The following ZFP64 variants were observed in gnomAD, a reference collection of about 807,000 sequenced individuals.
ZFP64 encodes zinc finger protein 64.
Under a neutral mutation model 51.6 loss-of-function variants are expected in ZFP64, and 14 were observed. The ratio of observed to expected loss-of-function variants is 0.27; its 90% CI spans 0.18 to 0.42. ZFP64 has a LOEUF of 0.42. Among genes scored for constraint, ZFP64 ranks in the 10% least tolerant of loss-of-function variants. The pLI, the probability that ZFP64 is intolerant of heterozygous loss-of-function variation, is 1.00. For missense variants in ZFP64, 754 were observed against 906.8 expected (o/e 0.83, Z 2.16); for synonymous variants, 375 against 361.4 (o/e 1.04, Z -0.43).
At chr20:52,117,744 G>A in intron 5 of ZFP64, 3 of 445,114 alleles carry the variant, frequency 6.7e-6, no homozygotes, top group African/African-American at 2.0e-5. Flanking sequence ...CATTCAACTT[G>A]CCTAGAAATG....
intron 2 of ZFP64, among the ~76,000 whole-genome samples, chr20:52,170,499 G>A (rs545564432): frequency 1.3e-5 from 2 of 152,272 alleles, no homozygotes; most frequent in African/African-American, 4.8e-5. Context: ...AGGCACCCAG[G>A]TGCAGGGATC....
At chr20:52,149,552 G>A (rs188069284), downstream of ZFP64, among the ~76,000 whole-genome samples, 5 of 152,262 alleles carry the variant, frequency 3.3e-5, no homozygotes, top group African/African-American at 9.6e-5. Context: ...TTGAGTCTAC[G>A]TATATTGGTA....
At chr20:52,189,640 A>G (rs1401652441) in intron 1 of ZFP64, among the ~76,000 whole-genome samples, 1 of 151,622 alleles carries the variant, frequency 6.6e-6, no homozygotes, top group East Asian at 2.0e-4. Context: ...ACGCCAGGCT[A>G]ATTTTGAATT....
chr20:52,095,512 G>A (rs2078978987), intron 7 of ZFP64, among the ~76,000 whole-genome samples: 1 of 152,178 alleles, frequency 6.6e-6, no homozygotes, highest in Non-Finnish European at 1.5e-5. Context: ...CTACTTCTGG[G>A]TCGTGCCCCA....
At position 52,112,291 on chromosome 20, in the gene ZFP64, T is replaced by TCA. The variant is rs1215168347; in HGVS notation, c.764-13705_764-13704insTG. ...TAGTACATAGATACTACTCTAAGTA[T>TCA]TAACAGTTATTTATGATAATGGAGT... On this transcript the variant is annotated intron_variant, in intron 5 of 8. Transcript: ENST00000361387. 2.6e-5 allele frequency among the ~76,000 whole-genome samples: 4 copies of TCA among 152,274 alleles called. No individual in the cohort carries two copies. In the South Asian group the frequency reaches 8.3e-4, roughly 32 times the overall value.
At chr20:52,123,423 T>C (rs1372104421) in intron 5 of ZFP64, among the ~76,000 whole-genome samples, 1 of 152,202 alleles carries the variant, frequency 6.6e-6, no homozygotes, top group Non-Finnish European at 1.5e-5. Context: ...AAAAACTTCA[T>C]TGTTGTCTTA....
intron 5 of ZFP64, among the ~76,000 whole-genome samples, chr20:52,099,603 A>T (rs1186437736): frequency 2.0e-5 from 3 of 152,218 alleles, no homozygotes; most frequent in Non-Finnish European, 2.9e-5. Flanking sequence ...GGGGTTTTAT[A>T]CTTTGGTGTG....
rs1299841706 is a variant in ZFP64, at chr20:52,174,478, A to G, written c.287-8453T>C. ...AGCCTGGGCAACAGAGTGAGGCTCC[A>G]TCTCAAAAAAAAAAAAAAAAAAAAA... is the stretch of plus-strand genomic sequence containing the variant. On this transcript the variant is annotated intron_variant, in intron 2 of 5. Coordinates refer to ENST00000216923, the MANE Select transcript of ZFP64 (RefSeq NM_018197.3). Among the ~76,000 whole-genome samples, 17 of 131,514 alleles carry G rather than the reference A, an allele frequency of 1.3e-4. 1 individual carries two copies. Among genetic ancestry groups the G allele is most frequent in the Admixed American group, 1.1e-3 (13 of 11,982 alleles). The allele number at this position is 131,514 out of a possible 152,430, so 86.3% of individuals were successfully genotyped here.
In ZFP64 at chr20:52,160,636, A is replaced by C. The variant is rs554864025; in HGVS notation, c.512-262T>G. On this transcript the variant is annotated intron_variant, in intron 4 of 5. Transcript: ENST00000216923. The surrounding 1 kb of genome is among the most constrained non-coding windows in gnomAD (Gnocchi z 4.2). ...AAATTTTTTATAAATTAAAAATAGA[A>C]GGCAATTAAAATTTTAAAGTATAGG... 6.6e-6 allele frequency among the ~76,000 whole-genome samples: 1 copy of C among 152,324 alleles called. No homozygotes were observed. The highest frequency in any genetic ancestry group is 2.1e-4 in the South Asian group (1 of 4,828).
chr20:52,146,209 A>T (rs1022288537), intron 5 of ZFP64, among the ~76,000 whole-genome samples: 1 of 152,166 alleles, frequency 6.6e-6, no homozygotes, highest in African/African-American at 2.4e-5. Flanking sequence ...ATACCATTTG[A>T]CCCAGCCATC....
rs1192977747 is a variant in ZFP64, at chr20:52,085,298, A to T, written c.1229-32T>A. The T allele has an allele frequency of 5.7e-6, 9 of 1,565,718 alleles. No homozygotes were observed. Among genetic ancestry groups the T allele is most frequent in the Non-Finnish European group, 7.8e-6 (9 of 1,153,188 alleles). The stretch of plus-strand genomic sequence containing the variant: ...ATGGAAGGTGTGTTTCCATTAGAAC[A>T]GGCAGGCAAAACAGACCCTCCCACC... On this transcript the variant is annotated intron_variant, in intron 8 of 8. Transcript: ENST00000361387. This position sits in a 1 kb window ranked among gnomAD's most constrained non-coding sequence, Gnocchi z 4.3.
At chr20:52,112,857 T>C (rs577186891) in intron 5 of ZFP64, among the ~76,000 whole-genome samples, 4 of 152,084 alleles carry the variant, frequency 2.6e-5, no homozygotes, top group East Asian at 1.9e-4. Flanking sequence ...GCTCAAGTGA[T>C]CCTCCCACCT....
At chr20:52,105,249 C>G in intron 5 of ZFP64, 2 of 1,331,602 alleles carry the variant, frequency 1.5e-6, no homozygotes, top group Non-Finnish European at 1.9e-6. Flanking sequence ...GCGCGAGGAC[C>G]GGGCTCCCCG....
Position 52,153,151 on chromosome 20 carries a change from T to C in ZFP64, c.1041A>G (p.Glu347=). Residue 347 remains glutamate, a synonymous_variant, in exon 6 of 6, where the codon GAA becomes GAG. Coordinates refer to ENST00000216923, the MANE Select transcript of ZFP64 (RefSeq NM_018197.3). This position sits in a 1 kb window ranked among gnomAD's most constrained non-coding sequence, Gnocchi z 5.1. Reference sequence around the variant, plus strand: ...CCTTGCTGGAGCAGGAGTAGCTGCATTCCGAGCACTTCTCAGGATGCTCCG... The same window carrying C: ...CCTTGCTGGAGCAGGAGTAGCTGCACTCCGAGCACTTCTCAGGATGCTCCG... ...HQSEHPEKCS[E]CSYSCSSKAA... 6.2e-7 allele frequency: 1 copy of C among 1,614,208 alleles called. No individual in the cohort carries two copies. Among genetic ancestry groups the C allele is most frequent in the Non-Finnish European group, 8.5e-7 (1 of 1,180,042 alleles).
intron 5 of ZFP64, among the ~76,000 whole-genome samples, chr20:52,106,805 A>G (rs1267967538): frequency 6.6e-6 from 1 of 152,202 alleles, no homozygotes; most frequent in Admixed American, 6.5e-5. Flanking sequence ...ATTTGAAAAT[A>G]TATACACGTG....
intron 5 of ZFP64, among the ~76,000 whole-genome samples, chr20:52,159,758 G>A (rs1441421407): frequency 6.6e-6 from 1 of 152,160 alleles, no homozygotes; most frequent in East Asian, 1.9e-4. Flanking sequence ...AGGCTGAGGT[G>A]GACAGACCAC....
chr20:52,178,807 T>A (rs964249643), intron 2 of ZFP64, among the ~76,000 whole-genome samples: 1 of 152,152 alleles, frequency 6.6e-6, no homozygotes, highest in African/African-American at 2.4e-5. Context: ...ACTTTCCCAG[T>A]TGGAACCAAC....
At chr20:52,094,953 G>C (rs573287029) in intron 7 of ZFP64, among the ~76,000 whole-genome samples, 1 of 152,278 alleles carries the variant, frequency 6.6e-6, no homozygotes, top group South Asian at 2.1e-4. Context: ...CCATGACGGG[G>C]AATAAGACAG....
chr20:52,163,134 G>C (rs1428986195), intron 4 of ZFP64, among the ~76,000 whole-genome samples: 1 of 152,178 alleles, frequency 6.6e-6, no homozygotes. Context: ...GCCAAGGTGG[G>C]TGGATCACCC....
Sources: gnomAD v4.1 joint callset for allele counts (sites outside exome capture counted in the v4.1 genomes callset) on GRCh38, gnomAD v4.1.1 for gene constraint, Gnocchi (gnomAD v3.1) non-coding constraint, MANE v1.5 for transcripts, NCBI Gene and HGNC (gene_info 2026-07-23, HGNC 2026-07-21) for gene names.